SEMA4D: variants seen among roughly 807,000 people sequenced by gnomAD.
SEMA4D encodes the protein semaphorin-4D.
A neutral mutation model predicts 74.8 loss-of-function variants in SEMA4D; 22 were observed. That is an observed-to-expected ratio of 0.29 (90% CI 0.21 to 0.42). The LOEUF (loss-of-function observed/expected upper bound fraction) is 0.42, where lower values mean the gene tolerates loss of function less well. SEMA4D is among the 10% of genes least tolerant of loss of function. The probability of loss-of-function intolerance (pLI) is 1.00; values close to 1 mark genes in which losing one functional copy is unlikely to be tolerated. For synonymous variants in SEMA4D, 445 were observed against 463.7 expected (o/e 0.96, Z 0.52); for missense variants, 937 against 1,118.4 (o/e 0.84, Z 2.31).
chr9:89,385,010 G>C (rs149192902), intron 13 of SEMA4D: 19,862 of 985,338 alleles, frequency 0.02, 244 homozygotes, highest in Middle Eastern at 0.036. Context: ...GGCGGGTCGG[G>C]TGGTCCAGTA....
At chr9:89,392,575 C>A in intron 7 of SEMA4D, 39 bp from the exon 8 acceptor site, 1 of 1,316,152 alleles carries the variant, frequency 7.6e-7, no homozygotes, top group Non-Finnish European at 1.1e-6. Flanking sequence ...AGGGAACCAA[C>A]CTCTCAGGCT....
chr9:89,469,986 G>A (rs1859768748), intron 1 of SEMA4D, among the ~76,000 whole-genome samples: 1 of 152,234 alleles, frequency 6.6e-6, no homozygotes, highest in Non-Finnish European at 1.5e-5. Flanking sequence ...CAGCATGACT[G>A]CCTATGTAGA....
chr9:89,382,289 C>T (rs1300147377), intron 13 of SEMA4D, among the ~76,000 whole-genome samples: 3 of 152,244 alleles, frequency 2.0e-5, no homozygotes, highest in South Asian at 4.1e-4. Flanking sequence ...CTGCCCAGGG[C>T]ATCTGCCTCA....
chr9:89,408,665 A>AGAGGAG (rs34159561), intron 2 of SEMA4D, among the ~76,000 whole-genome samples: 6 of 151,662 alleles, frequency 4.0e-5, no homozygotes, highest in South Asian at 4.2e-4. Context: ...CCGCGCCACT[A>AGAGGAG]GAGGAGGAGG....
intron 2 of SEMA4D, among the ~76,000 whole-genome samples, chr9:89,410,673 A>G (rs1175342805): frequency 6.6e-6 from 1 of 152,248 alleles, no homozygotes; most frequent in African/African-American, 2.4e-5. Flanking sequence ...AAGCAGTAAT[A>G]AAAAGAAAAT....
intron 16 of SEMA4D, chr9:89,365,171 G>C (rs1833428866): frequency 6.6e-6 from 1 of 152,332 alleles, no homozygotes; most frequent in African/African-American, 2.4e-5. Flanking sequence ...GTCCCACTAA[G>C]CTCCAGCCCC....
At chr9:89,430,568 G>A (rs1348938895) in intron 2 of SEMA4D, among the ~76,000 whole-genome samples, 3 of 152,230 alleles carry the variant, frequency 2.0e-5, no homozygotes, top group African/African-American at 7.2e-5. Context: ...TGTCTACAGA[G>A]TCTAACAGGT....
chr9:89,396,843 G>C lies in SEMA4D; in HGVS notation c.316-8C>G. ...GTAGTTGAGGCACTCTGTCTGCAGG[G>C]AAGAGAAATGCACCATTAGCAACCG... On this transcript the variant is annotated splice_polypyrimidine_tract_variant and splice_region_variant and intron_variant, in intron 5 of 15. Coordinates refer to ENST00000422704, the MANE Select transcript of SEMA4D (RefSeq NM_001371194.2). 1 of 1,611,072 alleles carries C rather than the reference G, an allele frequency of 6.2e-7. No individual in the cohort carries two copies. The highest frequency in any genetic ancestry group is 1.7e-5 in the Admixed American group (1 of 59,730).
At chr9:89,423,747 C>A (rs1233789042) in intron 2 of SEMA4D, among the ~76,000 whole-genome samples, 4 of 150,668 alleles carry the variant, frequency 2.7e-5, no homozygotes, top group Non-Finnish European at 5.9e-5. Flanking sequence ...CCTCCCCCGG[C>A]TATTACCTCA....
chr9:89,384,702 G>A (rs1838016367), intron 13 of SEMA4D: 1 of 985,318 alleles, frequency 1.0e-6, no homozygotes, highest in Admixed American at 6.1e-5. Flanking sequence ...GGGAGAGGAG[G>A]TGAGGGTGGA....
chr9:89,448,944 G>A (rs1408235283), intron 2 of SEMA4D, among the ~76,000 whole-genome samples: 1 of 152,202 alleles, frequency 6.6e-6, no homozygotes, highest in East Asian at 1.9e-4. Flanking sequence ...CGGGAAGGCA[G>A]GATGGGGCTC....
At chr9:89,469,740 A>C (rs1859698257) in intron 1 of SEMA4D, among the ~76,000 whole-genome samples, 1 of 152,200 alleles carries the variant, frequency 6.6e-6, no homozygotes, top group Admixed American at 6.5e-5. Flanking sequence ...CAGCAAACTA[A>C]ACCTAGAAGG....
intron 1 of SEMA4D, chr9:89,472,201 AG>A (rs1860533993): frequency 4.8e-6 from 1 of 208,084 alleles, no homozygotes; most frequent in Non-Finnish European, 9.7e-6. Flanking sequence ...ACACATCCCA[AG>A]GGTGAAGTCA....
At chr9:89,442,891 C>T (rs1301326456) in intron 2 of SEMA4D, among the ~76,000 whole-genome samples, 4 of 152,218 alleles carry the variant, frequency 2.6e-5, no homozygotes, top group African/African-American at 9.7e-5. Context: ...GTGTCGTCTG[C>T]AAACCTGGGC....
At chr9:89,477,662 C>G (rs901086086) in intron 1 of SEMA4D, among the ~76,000 whole-genome samples, 6 of 152,176 alleles carry the variant, frequency 3.9e-5, no homozygotes, top group Non-Finnish European at 2.9e-5. Context: ...TGCATGCACG[C>G]ATGTGTGTGC....
chr9:89,382,668 A>T (rs1356071677), intron 13 of SEMA4D, among the ~76,000 whole-genome samples: 1 of 152,244 alleles, frequency 6.6e-6, no homozygotes. Flanking sequence ...ATCCCAGATC[A>T]CAGTTCGGGC....
intron 1 of SEMA4D, among the ~76,000 whole-genome samples, chr9:89,474,653 A>C (rs2136043948): frequency 6.6e-6 from 1 of 152,322 alleles, no homozygotes; most frequent in African/African-American, 2.4e-5. Flanking sequence ...AAAACATGAA[A>C]TATTAAGCCA....
At chr9:89,466,329 C>T (rs560553934) in intron 1 of SEMA4D, among the ~76,000 whole-genome samples, 14 of 152,182 alleles carry the variant, frequency 9.2e-5, no homozygotes, top group Non-Finnish European at 2.1e-4. Context: ...TTTCTTTCTG[C>T]CAATCTGGAA....
intron 2 of SEMA4D, among the ~76,000 whole-genome samples, chr9:89,410,296 T>C (rs920376743): frequency 6.6e-6 from 1 of 152,028 alleles, no homozygotes; most frequent in Non-Finnish European, 1.5e-5. Flanking sequence ...AAGGAATGAG[T>C]TCTGAGTATT....
Sources: gnomAD v4.1 joint callset for allele counts (sites outside exome capture counted in the v4.1 genomes callset) on GRCh38, gnomAD v4.1.1 for gene constraint, MANE v1.5 for transcripts, NCBI Gene and HGNC (gene_info 2026-07-23, HGNC 2026-07-21) for gene names.